The following SCAPER variants were observed in gnomAD, a reference collection of about 807,000 sequenced individuals.
SCAPER encodes the protein S-phase cyclin A associated protein in the ER, also known as S phase cyclin A-associated protein in the endoplasmic reticulum.
In SCAPER, 98 loss-of-function variants were observed where a neutral mutation model predicts 182.2. The ratio of observed to expected loss-of-function variants is 0.54; its 90% CI spans 0.46 to 0.64. The LOEUF (loss-of-function observed/expected upper bound fraction) is 0.64. Among genes scored for constraint, SCAPER ranks in the 30% least tolerant of loss-of-function variants. The probability of loss-of-function intolerance (pLI) is 0.00; values close to 1 mark genes in which losing one functional copy is unlikely to be tolerated. For synonymous variants in SCAPER, 605 were observed against 564.6 expected (o/e 1.07, Z -1.01); for missense variants, 1,432 against 1,690.0 (o/e 0.85, Z 2.68).
intron 17 of SCAPER, among the ~76,000 whole-genome samples, chr15:76,724,926 C>T (rs534986112): frequency 2.0e-5 from 3 of 152,224 alleles, no homozygotes; most frequent in Non-Finnish European, 2.9e-5. Flanking sequence ...TCTCTCAACG[C>T]GTCAAAGTCA....
intron 2 of SCAPER, among the ~76,000 whole-genome samples, chr15:76,871,408 CAAAA>C (rs1220368116): frequency 1.5e-5 from 1 of 67,946 alleles, no homozygotes. Flanking sequence ...GACTCCATCT[CAAAA>C]AAAAAAAAAA....
rs1300344145 is a variant in SCAPER, at chr15:76,601,735, T to C, written c.2711+20029A>G. On this transcript the variant is annotated intron_variant, in intron 22 of 31. Transcript: ENST00000563290. The stretch of plus-strand genomic sequence containing the variant: ...TTCCAAGTCCAGTTTCAAATAATGC[T>C]ATACTGCTTCACAGGTAGTGCTGTG... 4.9e-5 allele frequency among the ~76,000 whole-genome samples: 6 copies of C among 122,158 alleles called. 3 individuals carry two copies. The highest frequency in any genetic ancestry group is 1.2e-4 in the Non-Finnish European group (6 of 50,192). The allele number at this position is 122,158 out of a possible 152,430, so 80.1% of individuals were successfully genotyped here.
chr15:76,861,605 T>C (rs902773278), intron 3 of SCAPER, among the ~76,000 whole-genome samples: 3 of 152,202 alleles, frequency 2.0e-5, no homozygotes, highest in Non-Finnish European at 2.9e-5. Context: ...AGGGTAGAGA[T>C]GATTTTTTTT....
chr15:76,359,373 A>C (rs1241204191), intron 29 of SCAPER, among the ~76,000 whole-genome samples: 1 of 152,250 alleles, frequency 6.6e-6, no homozygotes, highest in Non-Finnish European at 1.5e-5. Flanking sequence ...AGAGCTGTGC[A>C]AACAGTGATG....
At chr15:76,858,767 C>T (rs2071620361) in intron 3 of SCAPER, among the ~76,000 whole-genome samples, 2 of 152,142 alleles carry the variant, frequency 1.3e-5, no homozygotes, top group Admixed American at 1.3e-4. Context: ...ATAATGATCT[C>T]CAGCTCCATC....
chr15:76,525,669 T>C (rs1030024918), intron 23 of SCAPER, among the ~76,000 whole-genome samples: 1 of 152,184 alleles, frequency 6.6e-6, no homozygotes, highest in Non-Finnish European at 1.5e-5. Flanking sequence ...GGCCTTCATG[T>C]TGTTGCAAAG....
At chr15:76,591,543 C>T (rs2049110072) in intron 22 of SCAPER, among the ~76,000 whole-genome samples, 1 of 152,164 alleles carries the variant, frequency 6.6e-6, no homozygotes, top group Non-Finnish European at 1.5e-5. Context: ...CTCACTACAG[C>T]CTCAACCTCT....
intron 15 of SCAPER, among the ~76,000 whole-genome samples, chr15:76,745,240 G>A (rs1350712514): frequency 6.6e-6 from 1 of 152,096 alleles, no homozygotes; most frequent in East Asian, 1.9e-4. Flanking sequence ...AGGAGTTCAA[G>A]ACCAGCCTGG....
At chr15:76,488,748 C>G (rs925439580) in intron 24 of SCAPER, among the ~76,000 whole-genome samples, 3 of 53,732 alleles carry the variant, frequency 5.6e-5, no homozygotes, top group Non-Finnish European at 1.0e-4. Flanking sequence ...TTTTTTGAGA[C>G]GGAGTCTCTC....
intron 14 of SCAPER, among the ~76,000 whole-genome samples, chr15:76,756,405 T>C (rs2062435684): frequency 6.6e-6 from 1 of 152,042 alleles, no homozygotes; most frequent in Non-Finnish European, 1.5e-5. Context: ...GGCAAGACCC[T>C]GTCTCTACAA....
Position 76,658,917 on chromosome 15 carries a change from C to T in SCAPER, c.2645+6736G>A, listed in dbSNP as rs181730541. 1.6e-3 allele frequency among the ~76,000 whole-genome samples: 242 copies of T among 152,240 alleles called. 1 individual carries two copies. Among genetic ancestry groups the T allele is most frequent in the Non-Finnish European group, 2.6e-3 (180 of 68,012 alleles). ...TATTTACACCATTTACAATAATCAA[C>T]TCAAGATGGATTAAATAACTTAAAT... On this transcript the variant is annotated intron_variant, in intron 21 of 31. Coordinates refer to ENST00000563290, the MANE Select transcript of SCAPER (RefSeq NM_020843.4).
intron 22 of SCAPER, among the ~76,000 whole-genome samples, chr15:76,615,500 C>CACACACAGACACACAG (rs2051385783): frequency 8.0e-6 from 1 of 125,760 alleles, no homozygotes; most frequent in African/African-American, 3.5e-5. Context: ...CAGACACACA[C>CACACACAGACACACAG]ACACACACAC....
At chr15:76,633,586 G>A (rs1249295106) in intron 21 of SCAPER, among the ~76,000 whole-genome samples, 1 of 152,220 alleles carries the variant, frequency 6.6e-6, no homozygotes, top group African/African-American at 2.4e-5. Context: ...GCTCCTCTCA[G>A]GGATATCAGA....
Position 76,702,895 on chromosome 15 carries a change from C to T in SCAPER, c.2355G>A (p.Leu785=). ...RHANTDYAPK[L]TPYERKKQCS... is the part of the protein sequence containing the mutation. Reference sequence around the variant, plus strand: ...ACTGCTTCTTTCTTTCATAAGGGGTCAGTTTGGGGGCATAATCAGTATTTG... The same window carrying T: ...ACTGCTTCTTTCTTTCATAAGGGGTTAGTTTGGGGGCATAATCAGTATTTG... Residue 785 remains leucine (L), a synonymous_variant, in exon 19 of 32, where the codon CTG becomes CTA. Transcript: ENST00000563290. 6.2e-7 allele frequency: 1 copy of T among 1,608,798 alleles called. No individual in the cohort carries two copies. The highest frequency in any genetic ancestry group is 2.2e-5 in the East Asian group (1 of 44,702).
Position 76,767,112 on chromosome 15 carries a change from C to CA in SCAPER, c.1249-25dup, listed in dbSNP as rs1348030816. On this transcript the variant is annotated intron_variant, in intron 10 of 31. Coordinates refer to ENST00000563290, the MANE Select transcript of SCAPER (RefSeq NM_020843.4). ...GACTATAAAGTTAAAAACACATAAA[C>CA]AAAAAGAAAAATGATCACTTGACTG... is the stretch of plus-strand genomic sequence containing the variant. 2.6e-6 allele frequency: 4 copies of CA among 1,536,296 alleles called. No homozygotes were observed. The Middle Eastern group carries it at 5.0e-4, about 194-fold the overall frequency.
At chr15:76,723,091 C>A (rs906235301) in intron 17 of SCAPER, among the ~76,000 whole-genome samples, 2 of 152,046 alleles carry the variant, frequency 1.3e-5, no homozygotes, top group African/African-American at 2.4e-5. Context: ...CCTCTACACA[C>A]TGCTTTGAAT....
intron 30 of SCAPER, among the ~76,000 whole-genome samples, chr15:76,352,222 C>A (rs190196263): frequency 6.6e-6 from 1 of 152,274 alleles, no homozygotes; most frequent in African/African-American, 2.4e-5. Context: ...TACTTTTCTC[C>A]ACAGCACTTA....
Position 76,771,762 on chromosome 15 carries a change from C to T in SCAPER, c.1228G>A (p.Asp410Asn). ...CTCACATTTGAAATATCTGAAGGGT[C>T]CATTTCATTTTCTATCCTTGCTTTC... is the stretch of plus-strand genomic sequence containing the variant. Reference protein sequence around the residue: ...AEKARIENEMDPSDISNSMAE... With the variant: ...AEKARIENEMNPSDISNSMAE... Residue 410 changes from aspartate (D) to asparagine (N), a missense_variant, in exon 10 of 32, where the codon GAC becomes AAC. This residue lies in a region of SCAPER where 480 missense variants were observed against 510.2 expected (regional missense o/e 0.94). Coordinates refer to ENST00000563290, the MANE Select transcript of SCAPER (RefSeq NM_020843.4). The T allele has an allele frequency of 6.2e-7, 1 of 1,612,762 alleles. No individual in the cohort carries two copies. Among genetic ancestry groups the T allele is most frequent in the Non-Finnish European group, 8.5e-7 (1 of 1,179,176 alleles).
Position 76,404,571 on chromosome 15 carries a change from T to A in SCAPER, c.3420A>T (p.Ala1140=). 1 of 1,613,614 alleles carries A rather than the reference T, an allele frequency of 6.2e-7. No homozygotes were observed. The highest frequency in any genetic ancestry group is 8.5e-7 in the Non-Finnish European group (1 of 1,179,768). Residue 1140 remains alanine (A), a synonymous_variant, in exon 27 of 32, where the codon GCA becomes GCT. Transcript: ENST00000563290. ...GTGTACACATTGCATGTAAGAGTCC[T>A]GCGGCATGCTGCAGAAATATGGCCA... The part of the protein sequence containing the change: ...PKMAIFLQHA[A]GLLHAMCTLC...
Sources: gnomAD v4.1 joint callset for allele counts (sites outside exome capture counted in the v4.1 genomes callset) on GRCh38, gnomAD v4.1.1 for gene constraint, gnomAD v4.1.1 regional missense constraint, MANE v1.5 for transcripts, NCBI Gene and HGNC (gene_info 2026-07-23, HGNC 2026-07-21) for gene names.